Variants in GNA14 observed in about 807,000 individuals in gnomAD.
The protein encoded by GNA14 is guanine nucleotide-binding protein subunit alpha-14.
Under a neutral mutation model 42.0 loss-of-function variants are expected in GNA14, and 50 were observed. The ratio of observed to expected loss-of-function variants is 1.19; its 90% CI spans 0.95 to 1.51. The LOEUF is 1.51. GNA14 is among the 40% of genes most tolerant of loss of function. GNA14 has a pLI of 0.00. For synonymous variants in GNA14, 173 were observed against 163.1 expected (o/e 1.06, Z -0.46); for missense variants, 473 against 446.2 (o/e 1.06, Z -0.54).
Position 77,425,591 on chromosome 9 carries a change from TGA to T in GNA14, c.846_847del (p.His283SerfsTer3), listed in dbSNP as rs758706347. ...GTATTCTGGGAAATAGCTAATTAGA[TGA>T]GAGTACATGATTTTCTCTTCCAAAA... On this transcript the variant is annotated frameshift_variant, in exon 6 of 7. Transcript: ENST00000341700. LOFTEE classifies it high-confidence loss of function. The T allele has an allele frequency of 1.2e-6, 2 of 1,608,064 alleles. No homozygotes were observed. The highest frequency in any genetic ancestry group is 2.2e-5 in the South Asian group (2 of 90,504).
chr9:77,624,020 T>G (rs1226089775), intron 1 of GNA14, among the ~76,000 whole-genome samples: 1 of 152,176 alleles, frequency 6.6e-6, no homozygotes, highest in Non-Finnish European at 1.5e-5. Context: ...TTCCACTGGC[T>G]TGAAATTCTC....
At chr9:77,512,821 C>T (rs564379488) in intron 2 of GNA14, among the ~76,000 whole-genome samples, 2 of 152,314 alleles carry the variant, frequency 1.3e-5, no homozygotes, top group Non-Finnish European at 2.9e-5. Flanking sequence ...ATATACTATC[C>T]AGATTTTATT....
chr9:77,437,895 C>T (rs975333211), intron 2 of GNA14, among the ~76,000 whole-genome samples: 2 of 152,194 alleles, frequency 1.3e-5, no homozygotes, highest in African/African-American at 4.8e-5. Context: ...GTTGTTAGTG[C>T]GGCATGACCT....
At chr9:77,578,201 G>T (rs1425629233) in intron 1 of GNA14, among the ~76,000 whole-genome samples, 1 of 152,168 alleles carries the variant, frequency 6.6e-6, no homozygotes, top group Non-Finnish European at 1.5e-5. Flanking sequence ...GCTTGAACCT[G>T]GTATGCGGAG....
chr9:77,623,905 G>A (rs940502734), intron 1 of GNA14, among the ~76,000 whole-genome samples: 11 of 152,166 alleles, frequency 7.2e-5, no homozygotes, highest in South Asian at 2.1e-4. Context: ...TGCCTGGAAC[G>A]CCAGCGGCAC....
intron 2 of GNA14, among the ~76,000 whole-genome samples, chr9:77,435,050 TAAAAAA>T (rs3052358): frequency 1.7e-5 from 2 of 119,280 alleles, no homozygotes; most frequent in African/African-American, 3.1e-5. Context: ...TTCTTTCATT[TAAAAAA>T]AAAAAAAAAA....
chr9:77,614,108 G>A (rs1218608328), intron 1 of GNA14, among the ~76,000 whole-genome samples: 1 of 152,168 alleles, frequency 6.6e-6, no homozygotes, highest in East Asian at 1.9e-4. Flanking sequence ...TGTACATGGA[G>A]TTCAATGTAC....
chr9:77,435,138 C>T (rs1365453947), intron 2 of GNA14, among the ~76,000 whole-genome samples: 2 of 151,518 alleles, frequency 1.3e-5, no homozygotes, highest in South Asian at 2.1e-4. Context: ...GCGGGCCGAT[C>T]ACAAGGTCAA....
intron 2 of GNA14, among the ~76,000 whole-genome samples, chr9:77,462,290 C>A (rs1255544157): frequency 1.3e-5 from 2 of 152,186 alleles, no homozygotes; most frequent in African/African-American, 4.8e-5. Context: ...CTCCCCGGGG[C>A]TCAGGGCAGG....
Position 77,434,446 on chromosome 9 carries a change from T to G in GNA14, c.386A>C (p.Lys129Thr). Residue 129 changes from lysine (K) to threonine (T), a missense_variant, in exon 3 of 7, where the codon AAG becomes ACG. Coordinates refer to ENST00000341700, the MANE Select transcript of GNA14 (RefSeq NM_004297.4). ...MLSREQVEAI[K>T]QLWQDPGIQE... ...GATGCCTGGATCTTGCCAGAGCTGC[T>G]TGATGGCCTCCACCTGCTCCCTGGA... The G allele has an allele frequency of 6.2e-7, 1 of 1,613,818 alleles. No individual in the cohort carries two copies. Among genetic ancestry groups the G allele is most frequent in the Non-Finnish European group, 8.5e-7 (1 of 1,179,682 alleles).
chr9:77,514,141 G>T (rs1159483233), intron 2 of GNA14, among the ~76,000 whole-genome samples: 2 of 152,094 alleles, frequency 1.3e-5, no homozygotes, highest in African/African-American at 2.4e-5. Context: ...CAGGCTTTTT[G>T]GTTATCTTGC....
At chr9:77,509,354 C>T (rs753552284) in intron 2 of GNA14, among the ~76,000 whole-genome samples, 6 of 152,204 alleles carry the variant, frequency 3.9e-5, no homozygotes, top group South Asian at 4.1e-4. Context: ...CATCCACTGA[C>T]GGGCATGTGG....
intron 4 of GNA14, among the ~76,000 whole-genome samples, chr9:77,430,663 G>C (rs545781274): frequency 6.6e-6 from 1 of 152,288 alleles, no homozygotes; most frequent in East Asian, 1.9e-4. Flanking sequence ...AGAAAATCGT[G>C]TGTGATAATT....
chr9:77,631,669 G>A (rs1477596044), intron 1 of GNA14, among the ~76,000 whole-genome samples: 1 of 151,592 alleles, frequency 6.6e-6, no homozygotes, highest in Non-Finnish European at 1.5e-5. Context: ...CACATAATGA[G>A]CATGAGTTCA....
intron 1 of GNA14, among the ~76,000 whole-genome samples, chr9:77,574,922 C>A (rs187326378): frequency 6.6e-6 from 1 of 152,258 alleles, no homozygotes; most frequent in African/African-American, 2.4e-5. Flanking sequence ...GAAAACTTGG[C>A]GAGCACTAAC....
chr9:77,588,151 A>G (rs1587839827), intron 1 of GNA14, among the ~76,000 whole-genome samples: 1 of 152,178 alleles, frequency 6.6e-6, no homozygotes, highest in Non-Finnish European at 1.5e-5. Context: ...CCCGATTTCA[A>G]GATCCTAATC....
At chr9:77,425,982 G>A (rs1014366913) in intron 5 of GNA14, among the ~76,000 whole-genome samples, 18 of 152,066 alleles carry the variant, frequency 1.2e-4, no homozygotes, top group Admixed American at 5.9e-4. Context: ...CACATGGAAC[G>A]AAGTAAGAAA....
At chr9:77,578,496 A>T (rs1200256274) in intron 1 of GNA14, among the ~76,000 whole-genome samples, 4 of 152,200 alleles carry the variant, frequency 2.6e-5, no homozygotes, top group Admixed American at 1.3e-4. Flanking sequence ...CTATTGGAAT[A>T]GATACAATAT....
chr9:77,501,041 G>A (rs947113200), intron 2 of GNA14, among the ~76,000 whole-genome samples: 7 of 151,794 alleles, frequency 4.6e-5, no homozygotes, highest in Middle Eastern at 3.2e-3. Flanking sequence ...TGCAACCTCC[G>A]CCTCCCGGGT....
Sources: gnomAD v4.1 joint callset for allele counts (sites outside exome capture counted in the v4.1 genomes callset) on GRCh38, gnomAD v4.1.1 for gene constraint, MANE v1.5 for transcripts, NCBI Gene and HGNC (gene_info 2026-07-23, HGNC 2026-07-21) for gene names.